Variants in PRICKLE2 observed in about 807,000 individuals in gnomAD.
The protein encoded by PRICKLE2 is prickle-like protein 2.
Under a neutral mutation model 81.4 loss-of-function variants are expected in PRICKLE2, and 21 were observed. The ratio of observed to expected loss-of-function variants is 0.26; its 90% CI spans 0.18 to 0.37. The LOEUF (loss-of-function observed/expected upper bound fraction) is 0.37. Among genes scored for constraint, PRICKLE2 ranks in the 10% least tolerant of loss-of-function variants. The pLI is 1.00. For missense variants in PRICKLE2, 940 were observed against 1,109.0 expected, an observed-to-expected ratio of 0.85 and a Z score of 2.16; for synonymous variants, 456 against 421.5, an observed-to-expected ratio of 1.08 and a Z score of -1.00.
At chr3:64,126,137 T>A (rs767971220) in intron 7 of PRICKLE2, among the ~76,000 whole-genome samples, 13 of 152,196 alleles carry the variant, frequency 8.5e-5, no homozygotes, top group African/African-American at 2.9e-4. Context: ...TAAAATTTCA[T>A]GAAAAACTTG....
chr3:64,141,954 T>C, intron 7 of PRICKLE2: 5 of 984,296 alleles, frequency 5.1e-6, no homozygotes, highest in Non-Finnish European at 6.0e-6. Context: ...ACTGTGATTC[T>C]AGGATTTAAA....
At chr3:64,251,836 T>C (rs964091570) in intron 2 of PRICKLE2, among the ~76,000 whole-genome samples, 16 of 152,216 alleles carry the variant, frequency 1.1e-4, no homozygotes, top group African/African-American at 2.9e-4. Context: ...TTTCACATCA[T>C]GAAATCTGGT....
chr3:64,164,272 G>A (rs1019163983), intron 2 of PRICKLE2, among the ~76,000 whole-genome samples: 21 of 152,162 alleles, frequency 1.4e-4, no homozygotes, highest in African/African-American at 4.8e-4. Flanking sequence ...AGCTACTCAG[G>A]AGGCTAAGGC....
chr3:64,236,875 G>GT (rs1274537402), intron 2 of PRICKLE2, among the ~76,000 whole-genome samples: 1 of 152,224 alleles, frequency 6.6e-6, no homozygotes, highest in African/African-American at 2.4e-5. Context: ...GGAGTGCTCA[G>GT]TAAGTGTAAG....
intron 2 of PRICKLE2, among the ~76,000 whole-genome samples, chr3:64,260,009 A>G (rs568839799): frequency 6.6e-6 from 1 of 152,346 alleles, no homozygotes; most frequent in Admixed American, 6.5e-5. Flanking sequence ...GTGTTCTACA[A>G]AATGGCAACA....
At chr3:64,224,616 T>C (rs2079005586) in intron 1 of PRICKLE2, among the ~76,000 whole-genome samples, 1 of 152,196 alleles carries the variant, frequency 6.6e-6, no homozygotes, top group Non-Finnish European at 1.5e-5. Flanking sequence ...CATATTATTA[T>C]GGTTTTTTAA....
chr3:64,249,318 G>A (rs926825349), intron 2 of PRICKLE2, among the ~76,000 whole-genome samples: 24 of 152,232 alleles, frequency 1.6e-4, no homozygotes, highest in African/African-American at 5.5e-4. Flanking sequence ...ATCACAAGAA[G>A]AGCAAGGGGG....
At chr3:64,125,851 C>A (rs1400566249) in intron 7 of PRICKLE2, among the ~76,000 whole-genome samples, 2 of 152,074 alleles carry the variant, frequency 1.3e-5, no homozygotes, top group Non-Finnish European at 2.9e-5. Context: ...GACAAAGAAC[C>A]TGAAATACAA....
chr3:64,153,446 C>T, intron 5 of PRICKLE2, 78 bp from the exon 6 acceptor site: 2 of 1,396,530 alleles, frequency 1.4e-6, no homozygotes, highest in Non-Finnish European at 2.0e-6. Flanking sequence ...CTATGGGGTC[C>T]TTGAACTAGA....
intron 7 of PRICKLE2, among the ~76,000 whole-genome samples, chr3:64,127,582 G>A (rs1365933458): frequency 6.6e-6 from 1 of 152,058 alleles, no homozygotes; most frequent in Non-Finnish European, 1.5e-5. Context: ...ATCACACAGG[G>A]AACATTCAAA....
chr3:64,188,501 A>G (rs2078275859), intron 2 of PRICKLE2, among the ~76,000 whole-genome samples: 1 of 152,208 alleles, frequency 6.6e-6, no homozygotes, highest in African/African-American at 2.4e-5. Context: ...CCAAGAGTCT[A>G]CATTTAACAA....
rs1408100974 is a variant in PRICKLE2 at position 64,099,553 on chromosome 3, T to C, written c.2033A>G (p.Asp678Gly). The C allele has an allele frequency of 1.2e-6, 2 of 1,610,348 alleles. No individual in the cohort carries two copies. Among genetic ancestry groups the C allele is most frequent in the Non-Finnish European group, 8.5e-7 (1 of 1,177,092 alleles). ...RTRRRATSRD[D>G]NRRFRPHRSR... is the part of the protein sequence containing the mutation. ...CCTGTGAGGTCGGAAACGGCGGTTG[T>C]CGTCGCGTGAAGTAGCTCTTCTCCG... The change falls in exon 8 of 8, where the codon GAC becomes GGC. Residue 678 changes from aspartate (D) to glycine (G), a missense_variant. Transcript: ENST00000638394. The surrounding 1 kb of genome is among the most constrained non-coding windows in gnomAD (Gnocchi z 4.3).
intron 2 of PRICKLE2, among the ~76,000 whole-genome samples, chr3:64,261,109 C>T (rs565362730): frequency 6.6e-6 from 1 of 152,212 alleles, no homozygotes; most frequent in African/African-American, 2.4e-5. Flanking sequence ...GGTTTACAGA[C>T]CTCCACAAGG....
At chr3:64,146,548 C>T (rs2077455828) in intron 7 of PRICKLE2, 1 of 370,096 alleles carries the variant, frequency 2.7e-6, no homozygotes, top group South Asian at 2.6e-5. Flanking sequence ...TCGAGAACAT[C>T]CCGGCTAACA....
chr3:64,131,069 A>C (rs180912233), intron 7 of PRICKLE2, among the ~76,000 whole-genome samples: 153 of 152,312 alleles, frequency 1.0e-3, no homozygotes, highest in Non-Finnish European at 2.0e-3. Context: ...AGCAAAGCTG[A>C]GTGTGGTAAA....
intron 1 of PRICKLE2, among the ~76,000 whole-genome samples, chr3:64,216,315 A>C (rs1048256782): frequency 6.6e-6 from 1 of 152,216 alleles, no homozygotes; most frequent in Non-Finnish European, 1.5e-5. Context: ...GCACATTCAC[A>C]GAAAATTTTG....
At chr3:64,217,880 G>A (rs991093881) in intron 1 of PRICKLE2, among the ~76,000 whole-genome samples, 13 of 152,188 alleles carry the variant, frequency 8.5e-5, no homozygotes, top group Non-Finnish European at 1.2e-4. Context: ...CTGGTGTCTA[G>A]TGAGGTGACA....
intron 2 of PRICKLE2, among the ~76,000 whole-genome samples, chr3:64,171,767 A>G (rs369306625): frequency 3.9e-5 from 6 of 152,364 alleles, no homozygotes; most frequent in African/African-American, 1.4e-4. Context: ...CTTCTCTTTC[A>G]TTCCATCAAA....
intron 2 of PRICKLE2, among the ~76,000 whole-genome samples, chr3:64,258,861 G>GAAAGAAAGAAAGAAAGAAAGAAAGAAAT (rs1218877729): frequency 7.1e-6 from 1 of 140,560 alleles, no homozygotes; most frequent in Non-Finnish European, 1.5e-5. Context: ...AAGAAAGAAA[G>GAAAGAAAGAAAGAAAGAAAGAAAGAAAT]AAAGAAAGAA....
Sources: gnomAD v4.1 joint callset for allele counts (sites outside exome capture counted in the v4.1 genomes callset) on GRCh38, gnomAD v4.1.1 for gene constraint, Gnocchi (gnomAD v3.1) non-coding constraint, MANE v1.5 for transcripts, NCBI Gene and HGNC (gene_info 2026-07-23, HGNC 2026-07-21) for gene names.